Variants in MTUS2 observed in about 807,000 individuals in gnomAD.
MTUS2 encodes the protein microtubule-associated tumor suppressor candidate 2.
In MTUS2, 40 loss-of-function variants were observed where a neutral mutation model predicts 114.1. The observed-to-expected ratio is 0.35, with a 90% CI of 0.27 to 0.46. MTUS2 has a LOEUF of 0.46. Ranked by LOEUF, MTUS2 falls within the 20% of genes least tolerant of loss-of-function variation. The probability of loss-of-function intolerance (pLI) is 1.00; values close to 1 mark genes in which losing one functional copy is unlikely to be tolerated. For synonymous variants in MTUS2, 688 were observed against 672.0 expected, an observed-to-expected ratio of 1.02 and a Z score of -0.37; for missense variants, 1,679 against 1,705.4, an observed-to-expected ratio of 0.98 and a Z score of 0.27.
At chr13:29,491,577 T>TG (rs754319615) in intron 11 of MTUS2, among the ~76,000 whole-genome samples, 3 of 86,664 alleles carry the variant, frequency 3.5e-5, no homozygotes, top group African/African-American at 8.8e-5. Flanking sequence ...GGGGAGTGTG[T>TG]GGGGGTGTGT....
chr13:28,904,060 T>G (rs1248365813), intron 2 of MTUS2, among the ~76,000 whole-genome samples: 1 of 152,204 alleles, frequency 6.6e-6, no homozygotes, highest in Non-Finnish European at 1.5e-5. Flanking sequence ...AATGTCTTCT[T>G]TTGAGAGGTG....
At chr13:29,209,908 G>C (rs1420358714) in intron 5 of MTUS2, among the ~76,000 whole-genome samples, 1 of 152,094 alleles carries the variant, frequency 6.6e-6, no homozygotes, top group Non-Finnish European at 1.5e-5. Flanking sequence ...TAGGTGCCTA[G>C]GCAATTATCT....
Position 28,855,162 on chromosome 13 carries a change from C to T in MTUS2, c.-243+15312C>T, listed in dbSNP as rs571092880. On this transcript the variant is annotated intron_variant, in intron 2 of 15. Coordinates refer to ENST00000612955, the MANE Select transcript of MTUS2 (RefSeq NM_001033602.4). ...ACCAGTTTTTATTGATATGCCGATA[C>T]GAATTGTGCTTTTGTCACTGGAAGG... 6.2e-4 allele frequency among the ~76,000 whole-genome samples: 94 copies of T among 152,060 alleles called. 1 individual carries two copies. Among genetic ancestry groups the T allele is most frequent in the African/African-American group, 2.1e-3 (88 of 41,490 alleles).
At chr13:28,850,069 G>A (rs979344943) in intron 2 of MTUS2, among the ~76,000 whole-genome samples, 1 of 152,182 alleles carries the variant, frequency 6.6e-6, no homozygotes, top group African/African-American at 2.4e-5. Context: ...GGATGGGAGA[G>A]CATCTCCCTT....
intron 6 of MTUS2, among the ~76,000 whole-genome samples, chr13:29,318,391 C>CTTTTTT (rs71090240): frequency 1.0e-4 from 14 of 135,078 alleles, no homozygotes; most frequent in South Asian, 7.5e-4. Flanking sequence ...ATTTCTTTTT[C>CTTTTTT]TTTTTTTTTT....
chr13:28,820,740 T>C (rs1302257402), intron 1 of MTUS2, 129 bp downstream of exon 1: 1 of 152,296 alleles, frequency 6.6e-6, no homozygotes, highest in Non-Finnish European at 1.5e-5. Context: ...CCGGGCTGGT[T>C]CGGCTTCTCG....
At chr13:29,205,528 AC>A (rs1895149128) in intron 5 of MTUS2, among the ~76,000 whole-genome samples, 1 of 152,188 alleles carries the variant, frequency 6.6e-6, no homozygotes, top group Non-Finnish European at 1.5e-5. Context: ...TGTACACTGC[AC>A]CCAGTGTGTA....
At chr13:29,285,884 T>C (rs1740912438) in intron 6 of MTUS2, among the ~76,000 whole-genome samples, 1 of 152,194 alleles carries the variant, frequency 6.6e-6, no homozygotes, top group African/African-American at 2.4e-5. Flanking sequence ...TTGGAAGATA[T>C]TGGGAAAATG....
At chr13:28,856,256 G>C (rs1327542439) in intron 2 of MTUS2, among the ~76,000 whole-genome samples, 3 of 152,212 alleles carry the variant, frequency 2.0e-5, no homozygotes, top group African/African-American at 7.2e-5. Context: ...CTGCTGCCTT[G>C]CAAAGCTGGA....
chr13:28,999,283 G>A (rs1354496987), intron 2 of MTUS2, among the ~76,000 whole-genome samples: 1 of 152,136 alleles, frequency 6.6e-6, no homozygotes. Context: ...GGCCGTGTGA[G>A]GTGTCAGTCC....
At chr13:29,360,655 G>A (rs140609063) in intron 8 of MTUS2, among the ~76,000 whole-genome samples, 3 of 148,400 alleles carry the variant, frequency 2.0e-5, no homozygotes, top group Admixed American at 6.8e-5. Context: ...GATGCATGAC[G>A]TGATCTGGTA....
intron 8 of MTUS2, among the ~76,000 whole-genome samples, chr13:29,387,290 T>C (rs576943249): frequency 1.3e-5 from 2 of 152,230 alleles, no homozygotes; most frequent in South Asian, 4.2e-4. Context: ...GAACAATCCG[T>C]TGGGCAGACG....
chr13:29,213,047 C>T (rs1454152660), intron 5 of MTUS2, among the ~76,000 whole-genome samples: 14 of 151,964 alleles, frequency 9.2e-5, no homozygotes, highest in Non-Finnish European at 5.9e-5. Context: ...CCAGGAAATT[C>T]CAAGGGATTT....
At chr13:29,335,183 G>T (rs1303199261) in intron 7 of MTUS2, among the ~76,000 whole-genome samples, 1 of 152,154 alleles carries the variant, frequency 6.6e-6, no homozygotes, top group South Asian at 2.1e-4. Flanking sequence ...AAGAGAATGC[G>T]TCCCTAAGGA....
chr13:29,101,093 T>C, intron 5 of MTUS2, 123 bp downstream of exon 5: 1 of 1,087,898 alleles, frequency 9.2e-7, no homozygotes, highest in Non-Finnish European at 1.3e-6. Flanking sequence ...TAGCTTCCCA[T>C]TGTTGTGTTA....
At chr13:29,272,915 T>C (rs1238593188) in intron 5 of MTUS2, among the ~76,000 whole-genome samples, 6 of 152,184 alleles carry the variant, frequency 3.9e-5, no homozygotes, top group African/African-American at 1.2e-4. Context: ...GATTTGGTTG[T>C]CTATTGAGGG....
At chr13:28,919,726 T>C (rs1880941916) in intron 2 of MTUS2, among the ~76,000 whole-genome samples, 1 of 152,222 alleles carries the variant, frequency 6.6e-6, no homozygotes, top group Non-Finnish European at 1.5e-5. Flanking sequence ...TTTTTAAGGC[T>C]ATTTTTGTAG....
At chr13:29,212,171 A>G (rs1445432432) in intron 5 of MTUS2, among the ~76,000 whole-genome samples, 54 of 151,906 alleles carry the variant, frequency 3.6e-4, no homozygotes, top group African/African-American at 1.3e-3. Flanking sequence ...ATATTTTCAG[A>G]TTTCCCTTTT....
intron 11 of MTUS2, among the ~76,000 whole-genome samples, chr13:29,489,214 G>A (rs868503163): frequency 1.3e-5 from 2 of 152,166 alleles, no homozygotes; most frequent in African/African-American, 4.8e-5. Flanking sequence ...AGAGGTTGCA[G>A]TGAGTCAAGA....
Sources: allele counts gnomAD v4.1 joint callset (sites outside exome capture counted in the v4.1 genomes callset), GRCh38; gene constraint gnomAD v4.1.1; transcripts MANE v1.5; gene names NCBI Gene and HGNC (gene_info 2026-07-23, HGNC 2026-07-21).